Variants in KLF12 observed in about 807,000 individuals in gnomAD.
KLF12 encodes Krueppel-like factor 12.
In KLF12, 9 loss-of-function variants were observed where a neutral mutation model predicts 37.8. That is an observed-to-expected ratio of 0.24 (90% CI 0.14 to 0.42). The LOEUF is 0.42. Ranked by LOEUF, KLF12 falls within the 10% of genes least tolerant of loss-of-function variation. KLF12 has a pLI of 1.00. For synonymous variants in KLF12, 208 were observed against 202.1 expected, an observed-to-expected ratio of 1.03 and a Z score of -0.25; for missense variants, 411 against 516.0, an observed-to-expected ratio of 0.80 and a Z score of 1.97.
chr13:73,767,225 T>A (rs1879973482), intron 5 of KLF12, among the ~76,000 whole-genome samples: 1 of 152,168 alleles, frequency 6.6e-6, no homozygotes, highest in Non-Finnish European at 1.5e-5. Context: ...CTTTTTGCCA[T>A]CTTCTGCCTT....
At chr13:74,186,124 G>C in the KLF12 span, among the ~76,000 whole-genome samples, 1 of 151,922 alleles carries the variant, frequency 6.6e-6, no homozygotes, top group Non-Finnish European at 1.5e-5. Context: ...CAATTGCCAG[G>C]CTCTTCCAGA....
At chr13:73,928,774 C>T (rs1017684140) in intron 3 of KLF12, among the ~76,000 whole-genome samples, 1 of 152,212 alleles carries the variant, frequency 6.6e-6, no homozygotes, top group Non-Finnish European at 1.5e-5. Flanking sequence ...GTAGCTGATT[C>T]TGACACTGAG....
chr13:73,944,095 G>T (rs754863412), intron 2 of KLF12, 25 bp from the exon 3 acceptor site: 17 of 1,446,448 alleles, frequency 1.2e-5, no homozygotes, highest in Non-Finnish European at 1.4e-5. Flanking sequence ...GAGAGAGAAA[G>T]ATTCAGCTCT....
chr13:74,204,716 G>A, the KLF12 span, among the ~76,000 whole-genome samples: 10 of 152,048 alleles, frequency 6.6e-5, no homozygotes, highest in Admixed American at 3.9e-4. Flanking sequence ...GTATGAACCC[G>A]GCTATTACTT....
intron 2 of KLF12, among the ~76,000 whole-genome samples, chr13:73,985,820 A>T (rs1034288185): frequency 1.3e-5 from 2 of 152,216 alleles, no homozygotes; most frequent in South Asian, 4.1e-4. Flanking sequence ...CCTCACTTTG[A>T]TAACAAAAAC....
chr13:74,181,715 A>C, the KLF12 span, among the ~76,000 whole-genome samples: 8 of 141,872 alleles, frequency 5.6e-5, no homozygotes, highest in Non-Finnish European at 1.0e-4. Flanking sequence ...AAAAAAACAA[A>C]AAAAAAAAAA....
At chr13:73,916,731 T>C (rs1888867301) in intron 3 of KLF12, among the ~76,000 whole-genome samples, 1 of 152,188 alleles carries the variant, frequency 6.6e-6, no homozygotes, top group Non-Finnish European at 1.5e-5. Context: ...AGGTTTGATG[T>C]ATGGAGTGAG....
At chr13:74,145,755 T>C in the KLF12 span, among the ~76,000 whole-genome samples, 3 of 152,206 alleles carry the variant, frequency 2.0e-5, no homozygotes, top group Admixed American at 2.0e-4. Flanking sequence ...AGACATGTAA[T>C]TCTCTGTAGG....
chr13:74,050,044 C>T (rs919699719), intron 1 of KLF12, among the ~76,000 whole-genome samples: 21 of 152,064 alleles, frequency 1.4e-4, no homozygotes, highest in Admixed American at 1.2e-3. Context: ...ATGATAGGGC[C>T]CACTGAGTAT....
chr13:73,780,355 T>C (rs1216511118), intron 5 of KLF12, among the ~76,000 whole-genome samples: 1 of 152,180 alleles, frequency 6.6e-6, no homozygotes, highest in Non-Finnish European at 1.5e-5. Flanking sequence ...CAGCGTACAC[T>C]GTACCCAGTG....
At chr13:73,953,961 T>C (rs1890735716) in intron 2 of KLF12, among the ~76,000 whole-genome samples, 2 of 139,982 alleles carry the variant, frequency 1.4e-5, no homozygotes, top group South Asian at 4.6e-4. Flanking sequence ...TAGGTTTTGT[T>C]TTTTCTTTCT....
intron 1 of KLF12, among the ~76,000 whole-genome samples, chr13:74,050,133 A>G (rs1872816586): frequency 6.6e-6 from 1 of 152,198 alleles, no homozygotes; most frequent in South Asian, 2.1e-4. Context: ...AGACACTTCT[A>G]CAAGATTTCA....
intron 7 of KLF12, among the ~76,000 whole-genome samples, chr13:73,708,866 G>A (rs147316702): frequency 6.6e-6 from 1 of 152,214 alleles, no homozygotes; most frequent in African/African-American, 2.4e-5. Flanking sequence ...ATATTTATTT[G>A]TGAATATGCA....
chr13:74,072,193 T>C (rs61957998), intron 1 of KLF12, among the ~76,000 whole-genome samples: 16,512 of 151,524 alleles, frequency 0.11, 1,179 homozygotes, highest in Non-Finnish European at 0.14. Context: ...CAAGTGATTA[T>C]ATATTATCAT....
the KLF12 span, among the ~76,000 whole-genome samples, chr13:74,191,518 C>T: frequency 3.9e-5 from 6 of 152,206 alleles, no homozygotes; most frequent in Admixed American, 3.3e-4. Flanking sequence ...TGTTCAATGT[C>T]TGCCTCCTAG....
intron 6 of KLF12, among the ~76,000 whole-genome samples, chr13:73,734,093 A>C (rs1321338414): frequency 6.6e-6 from 1 of 152,174 alleles, no homozygotes; most frequent in Non-Finnish European, 1.5e-5. Context: ...CACTCTTGCT[A>C]TTCTTCTGCT....
At chr13:74,148,531 C>T in the KLF12 span, among the ~76,000 whole-genome samples, 1 of 124,682 alleles carries the variant, frequency 8.0e-6, no homozygotes, top group Non-Finnish European at 1.6e-5. Flanking sequence ...TCTGCATTGG[C>T]TAAGGTCAAC....
the KLF12 span, among the ~76,000 whole-genome samples, chr13:74,224,374 A>G: frequency 2.2e-3 from 337 of 152,276 alleles, 2 homozygotes; most frequent in Admixed American, 7.5e-3. Context: ...CAGGCTGGTG[A>G]TATCTATGAC....
chr13:74,082,369 T>G (rs1352300371), intron 1 of KLF12, among the ~76,000 whole-genome samples: 1 of 152,166 alleles, frequency 6.6e-6, no homozygotes, highest in Non-Finnish European at 1.5e-5. Flanking sequence ...CTAAAAAACA[T>G]AGCTTGAGCT....
Sources: allele counts gnomAD v4.1 joint callset (sites outside exome capture counted in the v4.1 genomes callset), GRCh38; gene constraint gnomAD v4.1.1; transcripts MANE v1.5; gene names NCBI Gene and HGNC (gene_info 2026-07-23, HGNC 2026-07-21).